NIPBL: variants seen among roughly 807,000 people sequenced by gnomAD.
NIPBL encodes the protein nipped-B-like protein.
In NIPBL, 19 loss-of-function variants were observed where a neutral mutation model predicts 321.8. The ratio of observed to expected loss-of-function variants is 0.06; its 90% CI spans 0.04 to 0.09. NIPBL has a LOEUF of 0.09. NIPBL is among the 10% of genes least tolerant of loss of function. The probability of loss-of-function intolerance (pLI) is 1.00; values close to 1 mark genes in which losing one functional copy is unlikely to be tolerated. For synonymous variants in NIPBL, 1,106 were observed against 1,114.1 expected (o/e 0.99, Z 0.14); for missense variants, 2,210 against 3,327.0 (o/e 0.66, Z 8.26).
In NIPBL at chr5:37,053,679, C is replaced by A. The variant is rs186927819; in HGVS notation, c.7263+1113C>A. Among the ~76,000 whole-genome samples the A allele has an allele frequency of 2.6e-5, 4 of 152,330 alleles. No individual in the cohort carries two copies. In the East Asian group the frequency reaches 7.7e-4, roughly 29 times the overall value. ...GATTACCATAATTACAATTTTGACA[C>A]TTCTGGCTGTTGCACTAGTTGCATT... On this transcript the variant is annotated intron_variant, in intron 42 of 46. Coordinates refer to ENST00000282516, the MANE Select transcript of NIPBL (RefSeq NM_133433.4).
At chr5:36,907,554 G>A (rs1172191020) in intron 1 of NIPBL, among the ~76,000 whole-genome samples, 2 of 152,032 alleles carry the variant, frequency 1.3e-5, no homozygotes, top group Non-Finnish European at 2.9e-5. Context: ...CTTAAGTAAA[G>A]AAAACAAAAC....
chr5:36,877,256 C>T (rs1166287083), intron 1 of NIPBL, 78 bp downstream of exon 1: 3 of 169,866 alleles, frequency 1.8e-5, no homozygotes, highest in South Asian at 1.9e-4. Context: ...CTCCTCGCTC[C>T]CCTCCCCGCC....
At chr5:36,998,390 T>C (rs1474794978) in intron 11 of NIPBL, among the ~76,000 whole-genome samples, 1 of 152,134 alleles carries the variant, frequency 6.6e-6, no homozygotes, top group Non-Finnish European at 1.5e-5. Flanking sequence ...TACAGCATAT[T>C]CTATGTAATT....
At chr5:37,030,121 C>A (rs530892981) in intron 32 of NIPBL, among the ~76,000 whole-genome samples, 2 of 152,232 alleles carry the variant, frequency 1.3e-5, no homozygotes, top group Non-Finnish European at 2.9e-5. Flanking sequence ...CTTGTATTAG[C>A]AAATTAGAAG....
intron 1 of NIPBL, among the ~76,000 whole-genome samples, chr5:36,880,243 C>T (rs889958207): frequency 1.3e-5 from 2 of 152,084 alleles, no homozygotes; most frequent in African/African-American, 4.8e-5. Flanking sequence ...AATCCATCAT[C>T]AAACTGTCAT....
intron 8 of NIPBL, among the ~76,000 whole-genome samples, chr5:36,975,549 A>G (rs534623240): frequency 2.6e-5 from 4 of 152,288 alleles, no homozygotes; most frequent in Non-Finnish European, 5.9e-5. Flanking sequence ...TTGAATACTC[A>G]TACTTAGATT....
chr5:36,982,890 C>A (rs1744306154), intron 9 of NIPBL, among the ~76,000 whole-genome samples: 1 of 151,756 alleles, frequency 6.6e-6, no homozygotes, highest in Admixed American at 6.6e-5. Context: ...GATTAGTCTA[C>A]CATTTTAATT....
chr5:36,974,607 C>T (rs1743234736), intron 8 of NIPBL, among the ~76,000 whole-genome samples: 1 of 152,052 alleles, frequency 6.6e-6, no homozygotes, highest in Admixed American at 6.6e-5. Context: ...ATGTAAAGCA[C>T]CTTTCACAAC....
chr5:37,020,649 C>T lies in NIPBL; in HGVS notation c.5201C>T (p.Thr1734Ile). 1.9e-6 allele frequency: 3 copies of T among 1,613,990 alleles called. No individual in the cohort carries two copies. Among genetic ancestry groups the T allele is most frequent in the Non-Finnish European group, 2.5e-6 (3 of 1,179,896 alleles). Residue 1734 changes from threonine to isoleucine, a missense_variant, in exon 26 of 47, where the codon ACA becomes ATA. Thr to Ile is a moderately conservative substitution (Grantham distance 89). This residue lies in a region of NIPBL where 138 missense variants were observed against 175.8 expected (regional missense o/e 0.79). Transcript: ENST00000282516. The stretch of plus-strand genomic sequence containing the variant: ...TTTCTTAGAAGCATTATCAAAACCA[C>T]ACCTTCTCAGTTTAGCACATTAAAG... Reference protein sequence around the residue: ...KKFLRSIIKTTPSQFSTLKMN... With the variant: ...KKFLRSIIKTIPSQFSTLKMN...
chr5:36,984,569 C>A, intron 9 of NIPBL, 107 bp from the exon 10 acceptor site: 1 of 985,062 alleles, frequency 1.0e-6, no homozygotes, highest in Non-Finnish European at 1.5e-6. Context: ...GCATTTTACT[C>A]CATTTTAAAA....
At chr5:36,981,152 T>C (rs1396241567) in intron 9 of NIPBL, among the ~76,000 whole-genome samples, 1 of 151,756 alleles carries the variant, frequency 6.6e-6, no homozygotes, top group Non-Finnish European at 1.5e-5. Flanking sequence ...ACTGGTGATA[T>C]GGAGCAGGCA....
intron 1 of NIPBL, among the ~76,000 whole-genome samples, chr5:36,908,935 G>A (rs1384626318): frequency 6.6e-6 from 1 of 152,198 alleles, no homozygotes; most frequent in African/African-American, 2.4e-5. Flanking sequence ...ATACTTTACA[G>A]AGCTATTATT....
intron 29 of NIPBL, among the ~76,000 whole-genome samples, chr5:37,024,237 A>T (rs1750004226): frequency 6.6e-6 from 1 of 151,744 alleles, no homozygotes; most frequent in African/African-American, 2.4e-5. Context: ...CATTTTTATG[A>T]AGTCTACTTT....
At position 37,064,639 on chromosome 5, in the gene NIPBL, G is replaced by A. The variant is rs1755209716; in HGVS notation, c.8162G>A (p.Arg2721Gln). The part of the protein sequence containing the change: ...IAICCPKYKD[R>Q]PQIARVVQKT... ...ATTTGCTGTCCAAAGTACAAAGATC[G>A]ACCACAAATTGCAAGAGTAGTGCAG... The change falls in exon 47 of 47, where the codon CGA (arginine) becomes CAA (glutamine). Residue 2721 changes from arginine (R) to glutamine (Q), a missense_variant. By Grantham distance (43) the Arg-to-Gln change is conservative. Coordinates refer to ENST00000282516, the MANE Select transcript of NIPBL (RefSeq NM_133433.4). 6.2e-7 allele frequency: 1 copy of A among 1,614,074 alleles called. No individual in the cohort carries two copies. The highest frequency in any genetic ancestry group is 8.5e-7 in the Non-Finnish European group (1 of 1,180,016).
At chr5:36,911,980 T>C (rs527718967) in intron 1 of NIPBL, among the ~76,000 whole-genome samples, 32 of 152,112 alleles carry the variant, frequency 2.1e-4, no homozygotes, top group Non-Finnish European at 4.3e-4. Context: ...TGAAGACTTT[T>C]AAGAGGGGAG....
chr5:37,046,978 G>GA (rs1211099777), intron 38 of NIPBL, among the ~76,000 whole-genome samples: 1 of 150,672 alleles, frequency 6.6e-6, no homozygotes, highest in African/African-American at 2.4e-5. Context: ...AAAATACTGA[G>GA]AAAAAAAAAT....
chr5:36,988,175 C>A (rs2149650133), intron 10 of NIPBL, among the ~76,000 whole-genome samples: 1 of 152,184 alleles, frequency 6.6e-6, no homozygotes, highest in Admixed American at 6.5e-5. Flanking sequence ...ATTATTTCAC[C>A]TGGGTTTTTC....
chr5:36,878,801 G>T (rs1243319365), intron 1 of NIPBL, among the ~76,000 whole-genome samples: 1 of 152,176 alleles, frequency 6.6e-6, no homozygotes, highest in African/African-American at 2.4e-5. Flanking sequence ...GTAGTCAGTA[G>T]CGTGTCCGTG....
chr5:36,985,131 C>T lies in NIPBL; in HGVS notation c.1951C>T (p.Leu651Phe), dbSNP rs1326637497. Residue 651 changes from leucine (L) to phenylalanine (F), a missense_variant, in exon 10 of 47, where the codon CTT becomes TTT. By Grantham distance (22) the Leu-to-Phe change is conservative. Around this residue, in one of 14 missense-constraint regions of NIPBL, gnomAD observed 588 missense variants for 564.1 expected, o/e 1.04. Transcript: ENST00000282516. ...ETKVETQTEE[L>F]KQNESRTTEC... ...TAAAGTTGAGACCCAAACAGAAGAA[C>T]TTAAACAGAATGAGAGCAGAACAAC... 6.2e-7 allele frequency: 1 copy of T among 1,613,812 alleles called. No homozygotes were observed. Among genetic ancestry groups the T allele is most frequent in the Admixed American group, 1.7e-5 (1 of 59,884 alleles).
Sources: gnomAD v4.1 joint callset for allele counts (sites outside exome capture counted in the v4.1 genomes callset) on GRCh38, gnomAD v4.1.1 for gene constraint, gnomAD v4.1.1 regional missense constraint, MANE v1.5 for transcripts, NCBI Gene and HGNC (gene_info 2026-07-23, HGNC 2026-07-21) for gene names.